DENND4C: variants seen among roughly 807,000 people sequenced by gnomAD.
DENND4C encodes DENN domain containing 4C.
DENND4C carries 108 observed loss-of-function variants against 203.0 expected under a neutral mutation model. The observed-to-expected ratio is 0.53, with a 90% CI of 0.46 to 0.62. DENND4C has a LOEUF of 0.62. Among genes scored for constraint, DENND4C ranks in the 20% least tolerant of loss-of-function variants. DENND4C has a pLI of 0.00. For missense variants in DENND4C, 2,481 were observed against 2,301.2 expected (o/e 1.08, Z -1.60); for synonymous variants, 871 against 792.4 (o/e 1.10, Z -1.67).
chr9:19,362,616 G>C (rs116062799), intron 30 of DENND4C, among the ~76,000 whole-genome samples: 2 of 151,926 alleles, frequency 1.3e-5, no homozygotes, highest in Non-Finnish European at 1.5e-5. Flanking sequence ...TAATTGTGAC[G>C]GGTCTCAACT....
At chr9:19,285,973 G>A (rs1835133329) in intron 2 of DENND4C, among the ~76,000 whole-genome samples, 1 of 152,106 alleles carries the variant, frequency 6.6e-6, no homozygotes, top group African/African-American at 2.4e-5. Context: ...TGGTAGTTTT[G>A]AAGTAGGGAA....
rs372899007 is a variant in DENND4C, at chr9:19,327,805, A to T, written c.2121-225A>T. Among the ~76,000 whole-genome samples, 16 of 152,184 alleles carry T rather than the reference A, an allele frequency of 1.1e-4. No homozygotes were observed. In the South Asian group the frequency reaches 3.1e-3, roughly 30 times the overall value. On this transcript the variant is annotated intron_variant, in intron 15 of 32. Coordinates refer to ENST00000434457, the MANE Select transcript of DENND4C (RefSeq NM_001330640.2). ...TATCAGAGTTTTCTGTGTTTTAGAG[A>T]TTGATTGAAAATAACAAATAGGGTG...
rs902309918 is a variant in DENND4C at position 19,365,886 on chromosome 9, C to A, written c.5524+3923C>A. On this transcript the variant is annotated intron_variant, in intron 30 of 32. Transcript: ENST00000434457. ...TTGAACCAAAGAAATGCAAAACTTA[C>A]ACTCCAAAAACTTAAATAATTGTTG... Among the ~76,000 whole-genome samples, 5 of 151,848 alleles carry A rather than the reference C, an allele frequency of 3.3e-5. No homozygotes were observed. The South Asian group carries it at 8.3e-4, about 25-fold the overall frequency.
intron 1 of DENND4C, among the ~76,000 whole-genome samples, chr9:19,257,504 A>G (rs578206063): frequency 3.9e-5 from 6 of 152,188 alleles, no homozygotes; most frequent in Admixed American, 2.0e-4. Flanking sequence ...AACTTGAAAA[A>G]GAAGAGCAAA....
chr9:19,344,312 A>G (rs1822322868), intron 22 of DENND4C, among the ~76,000 whole-genome samples: 1 of 152,218 alleles, frequency 6.6e-6, no homozygotes, highest in African/African-American at 2.4e-5. Context: ...ATACAGTTCC[A>G]CAGACTAGGT....
chr9:19,300,467 G>T, intron 9 of DENND4C, 136 bp downstream of exon 9: 1 of 804,142 alleles, frequency 1.2e-6, no homozygotes, highest in Non-Finnish European at 1.7e-6. Context: ...TTCCAGCCCA[G>T]TAAAAGTTGA....
chr9:19,346,298 G>A lies in DENND4C; in HGVS notation c.3529G>A (p.Val1177Met), dbSNP rs1452073532. 6 of 1,614,132 alleles carry A rather than the reference G, an allele frequency of 3.7e-6. No individual in the cohort carries two copies. The African/African-American group carries it at 5.3e-5, about 14-fold the overall frequency. ...TWNPEHRSSPVPEMLEESQEL... is the reference protein window; with the variant it reads ...TWNPEHRSSPMPEMLEESQEL... ...GAATCCTGAGCACAGATCATCTCCG[G>A]TGCCAGAGATGCTTGAGGAAAGCCA... The change falls in exon 23 of 33, where the codon GTG (valine) becomes ATG (methionine). Residue 1177 changes from valine to methionine, a missense_variant. Transcript: ENST00000434457.
At chr9:19,299,519 G>C (rs941431687) in intron 8 of DENND4C, among the ~76,000 whole-genome samples, 6 of 152,034 alleles carry the variant, frequency 3.9e-5, no homozygotes, top group Non-Finnish European at 8.8e-5. Context: ...TGGATGTAGA[G>C]GATACTTCCC....
intron 2 of DENND4C, among the ~76,000 whole-genome samples, chr9:19,283,999 T>C (rs4977530): frequency 0.23 from 35,060 of 152,156 alleles, 4,254 homozygotes; most frequent in East Asian, 0.44. Context: ...CCAGTTCTTT[T>C]GTTTTTTGAG....
chr9:19,285,026 G>C (rs1834906549), intron 2 of DENND4C, among the ~76,000 whole-genome samples: 1 of 152,092 alleles, frequency 6.6e-6, no homozygotes, highest in Non-Finnish European at 1.5e-5. Context: ...TCCACCGGGG[G>C]ATCCCCTTCT....
At chr9:19,310,759 A>G (rs1480408845) in intron 10 of DENND4C, among the ~76,000 whole-genome samples, 60 of 152,090 alleles carry the variant, frequency 3.9e-4, no homozygotes, top group Non-Finnish European at 2.9e-5. Context: ...GCCTCCTACA[A>G]CTTGATGTTG....
At chr9:19,262,091 T>C (rs1274512427) in intron 1 of DENND4C, among the ~76,000 whole-genome samples, 1 of 122,286 alleles carries the variant, frequency 8.2e-6, no homozygotes, top group Non-Finnish European at 1.7e-5. Flanking sequence ...TTTTTTTTTT[T>C]TTTTTTTTTT....
intron 22 of DENND4C, among the ~76,000 whole-genome samples, chr9:19,344,071 A>T (rs1822264656): frequency 6.6e-6 from 1 of 152,240 alleles, no homozygotes; most frequent in African/African-American, 2.4e-5. Context: ...TGATTAATTG[A>T]TATGATTATC....
At chr9:19,289,381 GA>G (rs1329611331) in intron 4 of DENND4C, among the ~76,000 whole-genome samples, 1 of 152,112 alleles carries the variant, frequency 6.6e-6, no homozygotes, top group East Asian at 1.9e-4. Context: ...CACAGTTCTT[GA>G]AATAAAGTTT....
intron 17 of DENND4C, among the ~76,000 whole-genome samples, chr9:19,333,679 C>T (rs79681157): frequency 0.022 from 3,340 of 152,308 alleles, 127 homozygotes; most frequent in African/African-American, 0.076. Flanking sequence ...TAGACATTTT[C>T]ATGCATTTTC....
chr9:19,350,918 A>G, intron 24 of DENND4C, 39 bp downstream of exon 24: 11 of 1,545,408 alleles, frequency 7.1e-6, no homozygotes, highest in Non-Finnish European at 9.6e-6. Flanking sequence ...TTGCTTTATA[A>G]TAGTTTTTGC....
chr9:19,356,555 A>G (rs985161686), intron 26 of DENND4C, among the ~76,000 whole-genome samples: 3 of 152,190 alleles, frequency 2.0e-5, no homozygotes, highest in East Asian at 1.9e-4. Flanking sequence ...GATAAAAGAC[A>G]TTATAAGTAA....
rs1490679815 is a variant in DENND4C, at chr9:19,346,450, G to C, written c.3681G>C (p.Leu1227=). 1.9e-6 allele frequency: 3 copies of C among 1,614,062 alleles called. No homozygotes were observed. The highest frequency in any genetic ancestry group is 2.7e-5 in the African/African-American group (2 of 74,926). Residue 1227 remains leucine, a synonymous_variant, in exon 23 of 33, where the codon CTG becomes CTC. Transcript: ENST00000434457. ...SRDLKTVSKD[L]RNKRSSLYGI... is the part of the protein sequence containing the mutation. ...ACTTGAAAACAGTATCCAAAGATCT[G>C]AGGAATAAGAGAAGTAGTTTATATG...
At position 19,300,246 on chromosome 9, in the gene DENND4C, T is replaced by G; in HGVS notation, c.1226T>G (p.Leu409Arg). 6.2e-7 allele frequency: 1 copy of G among 1,613,206 alleles called. No individual in the cohort carries two copies. Among genetic ancestry groups the G allele is most frequent in the Non-Finnish European group, 8.5e-7 (1 of 1,179,300 alleles). The change falls in exon 9 of 33, where the codon CTG (leucine) becomes CGG (arginine). Residue 409 changes from leucine to arginine, a missense_variant. Around this residue, in one of 3 missense-constraint regions of DENND4C, gnomAD observed 2,289 missense variants for 2,113.3 expected, o/e 1.08. Transcript: ENST00000434457. ...NLGPENCATL[L>R]LFVLLESKIL... ...GGTCCTGAGAATTGTGCAACACTGC[T>G]GCTCTTTGTTTTACTTGAGAGTAAA...
Sources: allele counts gnomAD v4.1 joint callset (sites outside exome capture counted in the v4.1 genomes callset), GRCh38; gene constraint gnomAD v4.1.1; regional missense constraint gnomAD v4.1.1; transcripts MANE v1.5; gene names NCBI Gene and HGNC (gene_info 2026-07-23, HGNC 2026-07-21).